Variants in ZNF33B observed in about 807,000 individuals in gnomAD.
The protein encoded by ZNF33B is zinc finger protein 11b (KOX 2).
In ZNF33B, 29 loss-of-function variants were observed where a neutral mutation model predicts 45.8. The ratio of observed to expected loss-of-function variants is 0.63; its 90% CI spans 0.47 to 0.86. ZNF33B has a LOEUF of 0.86. Among genes scored for constraint, ZNF33B ranks in the 40% least tolerant of loss-of-function variants. The pLI is 0.00. For missense variants in ZNF33B, 831 were observed against 909.9 expected (o/e 0.91, Z 1.12); for synonymous variants, 305 against 307.8 (o/e 0.99, Z 0.10).
chr10:42,637,636 G>T (rs1328236125), intron 1 of ZNF33B, among the ~76,000 whole-genome samples: 1 of 151,834 alleles, frequency 6.6e-6, no homozygotes, highest in Non-Finnish European at 1.5e-5. Flanking sequence ...AACAAATGAG[G>T]CAAAATTAGG....
downstream of ZNF33B, among the ~76,000 whole-genome samples, chr10:42,586,382 C>T (rs1185766419): frequency 1.3e-5 from 2 of 152,094 alleles, no homozygotes; most frequent in African/African-American, 2.4e-5. Context: ...ATCTCCTGAC[C>T]TCATGATCTG....
At chr10:42,637,048 A>C in intron 1 of ZNF33B, 76 bp from the exon 2 acceptor site, 2 of 1,452,612 alleles carry the variant, frequency 1.4e-6, no homozygotes, top group African/African-American at 2.8e-5. Flanking sequence ...CTGCCCTAAG[A>C]AGCCATACAC....
At chr10:42,596,056 T>C (rs1837386972) in intron 4 of ZNF33B, among the ~76,000 whole-genome samples, 1 of 151,910 alleles carries the variant, frequency 6.6e-6, no homozygotes, top group Non-Finnish European at 1.5e-5. Flanking sequence ...AAGAAAGTTC[T>C]GGATAAAGCT....
intron 1 of ZNF33B, among the ~76,000 whole-genome samples, chr10:42,575,792 G>A (rs539271998): frequency 6.7e-6 from 1 of 150,160 alleles, no homozygotes; most frequent in Non-Finnish European, 1.5e-5. Flanking sequence ...GTGCACTAGA[G>A]CAATCTCAGC....
chr10:42,624,376 A>T (rs1164053502), intron 4 of ZNF33B, among the ~76,000 whole-genome samples: 2 of 152,160 alleles, frequency 1.3e-5, no homozygotes, highest in Admixed American at 1.3e-4. Flanking sequence ...ATCAATGTGT[A>T]TATTCAACCA....
intron 4 of ZNF33B, among the ~76,000 whole-genome samples, chr10:42,628,101 T>C (rs1838891496): frequency 6.6e-6 from 1 of 152,130 alleles, no homozygotes; most frequent in Non-Finnish European, 1.5e-5. Flanking sequence ...ACTGGAACCT[T>C]TGCCTCCCAG....
intron 1 of ZNF33B, among the ~76,000 whole-genome samples, chr10:42,583,640 T>G (rs1402317785): frequency 6.6e-6 from 1 of 152,130 alleles, no homozygotes; most frequent in Non-Finnish European, 1.5e-5. Context: ...TGTGATAATC[T>G]AATAGTCTAT....
intron 1 of ZNF33B, chr10:42,581,617 T>C (rs1209437950): frequency 2.0e-5 from 3 of 152,130 alleles, no homozygotes. Context: ...TGTTCACTAA[T>C]GTATTTGTTG....
At chr10:42,630,490 C>G (rs1839003116) in intron 4 of ZNF33B, among the ~76,000 whole-genome samples, 1 of 152,142 alleles carries the variant, frequency 6.6e-6, no homozygotes, top group Admixed American at 6.5e-5. Flanking sequence ...AGTTTTATAT[C>G]TTTTGCTAAA....
intron 4 of ZNF33B, among the ~76,000 whole-genome samples, chr10:42,621,068 G>A (rs1239160244): frequency 1.3e-5 from 2 of 151,368 alleles, no homozygotes; most frequent in Admixed American, 1.3e-4. Flanking sequence ...GATAGCACCT[G>A]TAATCCCAGA....
In ZNF33B at chr10:42,591,545, A is replaced by G. The variant is rs758827140; in HGVS notation, c.*1068T>C. Reference sequence around the variant, plus strand: ...CAAACACCTGGGATGGGCCTGATGAAGTAACCACTACTAAATTAGGATACC... The same window carrying G: ...CAAACACCTGGGATGGGCCTGATGAGGTAACCACTACTAAATTAGGATACC... On this transcript the variant is annotated 3_prime_UTR_variant, in exon 5 of 5. Transcript: ENST00000359467. 2.1e-5 allele frequency: 9 copies of G among 434,080 alleles called. No individual in the cohort carries two copies. Among genetic ancestry groups the G allele is most frequent in the Non-Finnish European group, 2.5e-5 (8 of 326,158 alleles). 26.9% of individuals were successfully genotyped at this position (434,080 alleles called of 1,614,324 possible).
At chr10:42,609,056 C>T (rs1837988969) in intron 4 of ZNF33B, among the ~76,000 whole-genome samples, 1 of 151,948 alleles carries the variant, frequency 6.6e-6, no homozygotes, top group African/African-American at 2.4e-5. Context: ...AAAACCAACT[C>T]AAGAAGAAAA....
intron 2 of ZNF33B, among the ~76,000 whole-genome samples, chr10:42,636,281 A>T (rs1839296374): frequency 6.6e-6 from 1 of 152,230 alleles, no homozygotes; most frequent in Non-Finnish European, 1.5e-5. Flanking sequence ...CTAACACTGG[A>T]AGGTTATTCA....
Position 42,593,806 on chromosome 10 carries a change from C to G in ZNF33B, c.1144G>C (p.Glu382Gln). ...CATTCATTGCATTCAAAAGGTTTCT[C>G]CCCTGTGTGTGATCTCTGATGTTTA... is the stretch of plus-strand genomic sequence containing the variant. ...LTKHQRSHTG[E>Q]KPFECNECGK... Residue 382 changes from glutamate (E) to glutamine (Q), a missense_variant, in exon 5 of 5, where the codon GAG becomes CAG. Glu to Gln is a conservative substitution (Grantham distance 29). Transcript: ENST00000359467. 6.2e-7 allele frequency: 1 copy of G among 1,614,000 alleles called. No individual in the cohort carries two copies. Among genetic ancestry groups the G allele is most frequent in the Non-Finnish European group, 8.5e-7 (1 of 1,179,938 alleles).
intron 4 of ZNF33B, chr10:42,605,311 C>T (rs1413929930): frequency 1.4e-5 from 2 of 142,998 alleles, no homozygotes; most frequent in East Asian, 2.0e-4. Flanking sequence ...AATCTGTTGA[C>T]GAAGAGAAAA....
intron 4 of ZNF33B, 130 bp from the exon 5 acceptor site, chr10:42,594,829 T>C: frequency 1.9e-6 from 2 of 1,043,726 alleles, no homozygotes; most frequent in Non-Finnish European, 2.6e-6. Flanking sequence ...ATGAACATAA[T>C]TGCAAGTGCA....
At chr10:42,586,069 G>A (rs1836928185), downstream of ZNF33B, among the ~76,000 whole-genome samples, 1 of 151,512 alleles carries the variant, frequency 6.6e-6, no homozygotes, top group African/African-American at 2.4e-5. Context: ...GATGCATTTT[G>A]CTTTACGGTT....
rs551876947 is a variant in ZNF33B at position 42,580,463 on chromosome 10, C to T, written c.74-5785G>A. ...ATGTTGGCCAGGCTGGTCTTGAACT[C>T]CTGGCCTCAAGTGATCCCCCCACCT... is the stretch of plus-strand genomic sequence containing the variant. On this transcript the variant is annotated intron_variant, in intron 1 of 1. Coordinates refer to the ZNF33B transcript ENST00000462075. Among the ~76,000 whole-genome samples the T allele has an allele frequency of 2.0e-5, 3 of 151,112 alleles. No homozygotes were observed. In the South Asian group the frequency reaches 6.4e-4, roughly 32 times the overall value.
chr10:42,632,525 C>T (rs1302214406), intron 2 of ZNF33B, 86 bp from the exon 3 acceptor site: 1 of 1,504,930 alleles, frequency 6.6e-7, no homozygotes, highest in Admixed American at 2.5e-5. Context: ...ATTTGTTTTG[C>T]TTTATACTTT....
Sources: allele counts gnomAD v4.1 joint callset (sites outside exome capture counted in the v4.1 genomes callset), GRCh38; gene constraint gnomAD v4.1.1; transcripts MANE v1.5; gene names NCBI Gene and HGNC (gene_info 2026-07-23, HGNC 2026-07-21).